The following ABI1 variants were observed in gnomAD, a reference collection of about 807,000 sequenced individuals.
The protein encoded by ABI1 is Abelson interactor 1.
ABI1 carries 14 observed loss-of-function variants against 54.6 expected under a neutral mutation model. The observed-to-expected ratio is 0.26, with a 90% CI of 0.17 to 0.40. The LOEUF (loss-of-function observed/expected upper bound fraction) is 0.40, where lower values mean the gene tolerates loss of function less well. Ranked by LOEUF, ABI1 falls within the 10% of genes least tolerant of loss-of-function variation. The probability of loss-of-function intolerance (pLI) is 1.00; values close to 1 mark genes in which losing one functional copy is unlikely to be tolerated. For missense variants in ABI1, 443 were observed against 598.3 expected (o/e 0.74, Z 2.71); for synonymous variants, 194 against 209.3 (o/e 0.93, Z 0.63).
At chr10:26,853,198 G>A (rs1397790201) in intron 1 of ABI1, among the ~76,000 whole-genome samples, 1 of 130,506 alleles carries the variant, frequency 7.7e-6, no homozygotes, top group Admixed American at 9.0e-5. Flanking sequence ...TCACACCACT[G>A]CACTCCGGCC....
intron 10 of ABI1, among the ~76,000 whole-genome samples, chr10:26,749,759 G>A (rs368920526): frequency 2.3e-3 from 353 of 152,234 alleles, no homozygotes; most frequent in African/African-American, 8.2e-3. Flanking sequence ...TCCAAACCAC[G>A]CAATTTTTGT....
At chr10:26,834,395 CA>C (rs1407772430) in intron 1 of ABI1, among the ~76,000 whole-genome samples, 3 of 152,016 alleles carry the variant, frequency 2.0e-5, no homozygotes, top group African/African-American at 7.2e-5. Context: ...AACGACAACC[CA>C]TAGATGGAAG....
At chr10:26,844,307 T>C (rs991714784) in intron 1 of ABI1, among the ~76,000 whole-genome samples, 3 of 152,202 alleles carry the variant, frequency 2.0e-5, no homozygotes, top group African/African-American at 2.4e-5. Context: ...CAAACACTAC[T>C]GTTCCTTAGA....
At chr10:26,773,821 AACTTCT>A (rs1841044348) in intron 3 of ABI1, among the ~76,000 whole-genome samples, 1 of 152,192 alleles carries the variant, frequency 6.6e-6, no homozygotes. Flanking sequence ...TGCTTTCTTG[AACTTCT>A]ACCTGCTTCA....
At chr10:26,858,379 C>T (rs996867575) in intron 1 of ABI1, among the ~76,000 whole-genome samples, 1 of 151,942 alleles carries the variant, frequency 6.6e-6, no homozygotes, top group Non-Finnish European at 1.5e-5. Context: ...AGGGAGGCAA[C>T]TAGTGGCCTG....
At chr10:26,829,293 T>C (rs939689239) in intron 1 of ABI1, among the ~76,000 whole-genome samples, 6 of 151,420 alleles carry the variant, frequency 4.0e-5, no homozygotes, top group African/African-American at 1.5e-4. Flanking sequence ...CCCAGCTCTG[T>C]CCAATGAAAA....
intron 2 of ABI1, among the ~76,000 whole-genome samples, chr10:26,801,867 T>A (rs775960770): frequency 6.6e-6 from 1 of 152,160 alleles, no homozygotes; most frequent in Non-Finnish European, 1.5e-5. Flanking sequence ...GCAATGACCA[T>A]AATAGACCTC....
At chr10:26,751,060 T>C (rs759378072) in intron 10 of ABI1, among the ~76,000 whole-genome samples, 3 of 149,062 alleles carry the variant, frequency 2.0e-5, no homozygotes, top group Non-Finnish European at 3.0e-5. Flanking sequence ...GTGGAAAATA[T>C]TGTAAATTGA....
chr10:26,831,725 T>G (rs1198196758), intron 1 of ABI1, among the ~76,000 whole-genome samples: 1 of 100,328 alleles, frequency 1.0e-5, no homozygotes, highest in Non-Finnish European at 1.8e-5. Flanking sequence ...TAAATCCAGG[T>G]ATCTTGTAAA....
chr10:26,815,201 C>T (rs990327765), intron 2 of ABI1, among the ~76,000 whole-genome samples: 8 of 130,170 alleles, frequency 6.1e-5, no homozygotes, highest in East Asian at 2.6e-4. Flanking sequence ...AGAATAAATG[C>T]CCCCCCCAAA....
At position 26,748,739 on chromosome 10, in the gene ABI1, G is replaced by T; in HGVS notation, c.1277C>A (p.Ala426Glu). Reference sequence around the variant, plus strand: ...CTTGTCTTTTGTATAATCATATATTGCAACAACTATGGAAAAAACAGTTGA... The same window carrying T: ...CTTGTCTTTTGTATAATCATATATTTCAACAACTATGGAAAAAACAGTTGA... ...APKNYIEKVV[A>E]IYDYTKDKDD... The change falls in exon 11 of 11, where the codon GCA (alanine) becomes GAA (glutamate). Residue 426 changes from alanine (A) to glutamate (E), a missense_variant. Transcript: ENST00000376140. 1 of 1,608,242 alleles carries T rather than the reference G, an allele frequency of 6.2e-7. No individual in the cohort carries two copies. The highest frequency in any genetic ancestry group is 8.5e-7 in the Non-Finnish European group (1 of 1,177,014).
intron 3 of ABI1, among the ~76,000 whole-genome samples, chr10:26,775,867 T>A (rs1477398886): frequency 6.6e-6 from 1 of 152,192 alleles, no homozygotes; most frequent in Non-Finnish European, 1.5e-5. Context: ...TGTGCAAGTA[T>A]GTGTGTGCAC....
chr10:26,770,679 C>G, intron 4 of ABI1: 1 of 550,994 alleles, frequency 1.8e-6, no homozygotes, highest in Admixed American at 2.7e-5. Flanking sequence ...TGCATGAACA[C>G]AAACTATAGA....
chr10:26,848,217 A>G (rs977785311), intron 1 of ABI1, among the ~76,000 whole-genome samples: 27 of 150,190 alleles, frequency 1.8e-4, no homozygotes, highest in Non-Finnish European at 3.3e-4. Flanking sequence ...AAAAAAAAAA[A>G]AAAAAGAAGA....
chr10:26,813,136 C>T (rs911070779), intron 2 of ABI1, among the ~76,000 whole-genome samples: 1 of 151,862 alleles, frequency 6.6e-6, no homozygotes, highest in Admixed American at 6.6e-5. Context: ...GTAATCCTAG[C>T]TACTTGGGAG....
At chr10:26,778,185 A>G (rs553603005) in intron 2 of ABI1, among the ~76,000 whole-genome samples, 18 of 152,354 alleles carry the variant, frequency 1.2e-4, no homozygotes, top group African/African-American at 4.1e-4. Flanking sequence ...CCTGTTTGGT[A>G]GAGCCTACCT....
At chr10:26,811,287 A>G (rs1404212143) in intron 2 of ABI1, among the ~76,000 whole-genome samples, 1 of 152,170 alleles carries the variant, frequency 6.6e-6, no homozygotes, top group Non-Finnish European at 1.5e-5. Context: ...GCCCCCAAAT[A>G]AGAATGTATG....
chr10:26,751,062 G>A (rs994068881), intron 10 of ABI1, among the ~76,000 whole-genome samples: 1 of 148,136 alleles, frequency 6.8e-6, no homozygotes, highest in Non-Finnish European at 1.5e-5. Context: ...GGAAAATATT[G>A]TAAATTGAAA....
chr10:26,794,016 G>C (rs548676849), intron 2 of ABI1, among the ~76,000 whole-genome samples: 1 of 152,306 alleles, frequency 6.6e-6, no homozygotes, highest in East Asian at 1.9e-4. Flanking sequence ...GCCAAGGTGG[G>C]TGGATCACTT....
Sources: allele counts gnomAD v4.1 joint callset (sites outside exome capture counted in the v4.1 genomes callset), GRCh38; gene constraint gnomAD v4.1.1; transcripts MANE v1.5; gene names NCBI Gene and HGNC (gene_info 2026-07-23, HGNC 2026-07-21).